The following PID1 variants were observed in gnomAD, a reference collection of about 807,000 sequenced individuals.
The protein encoded by PID1 is PTB-containing, cubilin and LRP1-interacting protein.
PID1 carries 10 observed loss-of-function variants against 19.1 expected under a neutral mutation model. The observed-to-expected ratio is 0.52, with a 90% confidence interval of 0.32 to 0.89. PID1 has a LOEUF of 0.89. Ranked by LOEUF, PID1 falls within the 40% of genes least tolerant of loss-of-function variation. The probability of loss-of-function intolerance (pLI) is 0.03; values close to 1 mark genes in which losing one functional copy is unlikely to be tolerated. For missense variants in PID1, 248 were observed against 285.3 expected, an observed-to-expected ratio of 0.87 and a Z score of 0.94; for synonymous variants, 130 against 116.0, an observed-to-expected ratio of 1.12 and a Z score of -0.78.
chr2:229,115,016 AT>A (rs1695381540), intron 2 of PID1, among the ~76,000 whole-genome samples: 1 of 152,110 alleles, frequency 6.6e-6, no homozygotes, highest in Non-Finnish European at 1.5e-5. Context: ...TAACATCTTA[AT>A]TTTTTGCAAG....
intron 1 of PID1, among the ~76,000 whole-genome samples, chr2:229,264,713 T>C (rs1690546839): frequency 6.6e-6 from 1 of 152,218 alleles, no homozygotes; most frequent in Non-Finnish European, 1.5e-5. Flanking sequence ...ATCTTCTTCA[T>C]ATGAACAGAA....
intron 2 of PID1, among the ~76,000 whole-genome samples, chr2:229,048,224 C>T (rs1025296800): frequency 1.3e-5 from 2 of 152,244 alleles, no homozygotes; most frequent in African/African-American, 4.8e-5. Flanking sequence ...CACAGATGTT[C>T]TCCTAACTCA....
chr2:229,066,693 C>A (rs1045940375), intron 2 of PID1, among the ~76,000 whole-genome samples: 14 of 151,832 alleles, frequency 9.2e-5, no homozygotes, highest in Non-Finnish European at 2.9e-5. Context: ...GAGCAAGTTT[C>A]TATTTTGAGG....
chr2:229,180,898 C>T (rs1463949827), intron 1 of PID1, among the ~76,000 whole-genome samples: 2 of 152,214 alleles, frequency 1.3e-5, no homozygotes, highest in African/African-American at 2.4e-5. Context: ...CCGACTGACC[C>T]GTGTTCAACT....
At chr2:229,143,061 T>C (rs571306886) in intron 2 of PID1, among the ~76,000 whole-genome samples, 60 of 147,948 alleles carry the variant, frequency 4.1e-4, no homozygotes, top group African/African-American at 1.2e-3. Flanking sequence ...ATGGATGAAA[T>C]TGGAAATCAT....
At chr2:229,104,176 G>A (rs755078910) in intron 2 of PID1, among the ~76,000 whole-genome samples, 44 of 152,232 alleles carry the variant, frequency 2.9e-4, no homozygotes, top group Non-Finnish European at 5.7e-4. Flanking sequence ...AATTCACATG[G>A]CCTGCCATGT....
intron 2 of PID1, among the ~76,000 whole-genome samples, chr2:229,066,460 C>A (rs906119478): frequency 1.3e-5 from 2 of 152,024 alleles, no homozygotes; most frequent in Admixed American, 6.6e-5. Context: ...CTTAAAATAG[C>A]CAATTTTTGA....
intron 2 of PID1, among the ~76,000 whole-genome samples, chr2:229,043,009 A>AT (rs397792981): frequency 0.42 from 61,696 of 145,254 alleles, 12,899 homozygotes; most frequent in East Asian, 0.61. Context: ...AAAGGGAGAA[A>AT]TTTTTTTTTT....
chr2:229,132,364 T>C (rs1295823274), intron 2 of PID1, among the ~76,000 whole-genome samples: 1 of 152,166 alleles, frequency 6.6e-6, no homozygotes, highest in East Asian at 1.9e-4. Context: ...ACAGTCGACA[T>C]TATAAAACTG....
intron 1 of PID1, among the ~76,000 whole-genome samples, chr2:229,181,903 C>A (rs768693896): frequency 6.6e-6 from 1 of 152,160 alleles, no homozygotes; most frequent in East Asian, 1.9e-4. Flanking sequence ...TAAAGAGAAA[C>A]TTAAATGTAT....
At chr2:229,092,673 C>A (rs1484536316) in intron 2 of PID1, among the ~76,000 whole-genome samples, 1 of 152,116 alleles carries the variant, frequency 6.6e-6, no homozygotes, top group Non-Finnish European at 1.5e-5. Flanking sequence ...AAGTCACAGG[C>A]ACCTTTGGCT....
chr2:229,037,077 G>A (rs1158946645), intron 2 of PID1, among the ~76,000 whole-genome samples: 1 of 152,030 alleles, frequency 6.6e-6, no homozygotes, highest in Non-Finnish European at 1.5e-5. Context: ...ACAATCTCTA[G>A]GGCACATATA....
In PID1 at chr2:229,044,375, C is replaced by T. The variant is rs138205665; in HGVS notation, c.178-18267G>A. On this transcript the variant is annotated intron_variant, in intron 2 of 2. Transcript: ENST00000392055. ...GTTAGCTCCTCTCTGCCCATCCCAC[C>T]AAGAAAAAGGTAGGACCTGCACTCC... is the stretch of plus-strand genomic sequence containing the variant. Among the ~76,000 whole-genome samples the T allele has an allele frequency of 9.4e-4, 143 of 152,104 alleles. 1 individual carries two copies. Among genetic ancestry groups the T allele is most frequent in the African/African-American group, 3.3e-3 (138 of 41,512 alleles).
At chr2:229,047,813 G>T (rs1693913976) in intron 2 of PID1, among the ~76,000 whole-genome samples, 1 of 152,128 alleles carries the variant, frequency 6.6e-6, no homozygotes, top group East Asian at 1.9e-4. Context: ...AACAAAATGG[G>T]ATCTGAATTC....
rs558664091 is a variant in PID1 at position 229,200,940 on chromosome 2, C to T, written c.31-44976G>A. Reference sequence around the variant, plus strand: ...GAACACAATGCAGAATGGACACCAACGCATTAACAGGAGAGTCTGAATTGG... The same window carrying T: ...GAACACAATGCAGAATGGACACCAATGCATTAACAGGAGAGTCTGAATTGG... On this transcript the variant is annotated intron_variant, in intron 1 of 2. Coordinates refer to ENST00000392055, the MANE Select transcript of PID1 (RefSeq NM_001100818.2). 6.6e-5 allele frequency among the ~76,000 whole-genome samples: 10 copies of T among 152,076 alleles called. No homozygotes were observed. The East Asian group carries it at 1.6e-3, about 24-fold the overall frequency.
At chr2:229,183,295 C>A (rs1690986546) in intron 1 of PID1, among the ~76,000 whole-genome samples, 2 of 152,204 alleles carry the variant, frequency 1.3e-5, no homozygotes, top group African/African-American at 4.8e-5. Context: ...ACCAACCCTG[C>A]TGACACCTGG....
chr2:229,143,530 T>C (rs1333299256), intron 2 of PID1, among the ~76,000 whole-genome samples: 1 of 151,992 alleles, frequency 6.6e-6, no homozygotes, highest in Admixed American at 6.6e-5. Flanking sequence ...ATGAAGTGGG[T>C]GAACATCCAC....
chr2:229,049,690 C>T (rs1400698058), intron 2 of PID1, among the ~76,000 whole-genome samples: 1 of 152,302 alleles, frequency 6.6e-6, no homozygotes, highest in African/African-American at 2.4e-5. Context: ...GCTCAGAAAT[C>T]TAGAGGTTAA....
At position 229,139,067 on chromosome 2, in the gene PID1, GAA is replaced by G. The variant is rs1359030578; in HGVS notation, c.177+16749_177+16750del. ...AAAGAAAGAAAGAAAGAGAAAGAAA[GAA>G]AGAAAGAAAGAAAGAAAGAAAGAAA... On this transcript the variant is annotated intron_variant, in intron 2 of 2. Transcript: ENST00000392055. 1.4e-3 allele frequency among the ~76,000 whole-genome samples: 74 copies of G among 53,020 alleles called. 3 individuals are homozygous for G. Among genetic ancestry groups the G allele is most frequent in the Middle Eastern group, 9.4e-3 (1 of 106 alleles). The allele number at this position is 53,020 out of a possible 152,430, so 34.8% of individuals were successfully genotyped here. A position where few individuals can be genotyped will look rare whatever the true frequency, so the allele number is the denominator to read the frequency against.
Sources: allele counts gnomAD v4.1 joint callset (sites outside exome capture counted in the v4.1 genomes callset), GRCh38; gene constraint gnomAD v4.1.1; transcripts MANE v1.5; gene names NCBI Gene and HGNC (gene_info 2026-07-23, HGNC 2026-07-21).